The following GBP2 variants were observed in gnomAD, a reference collection of about 807,000 sequenced individuals.
The protein encoded by GBP2 is guanylate-binding protein 2.
In GBP2, 54 loss-of-function variants were observed where a neutral mutation model predicts 60.8. That is an observed-to-expected ratio of 0.89 (90% CI 0.71 to 1.11). GBP2 has a LOEUF of 1.11. GBP2 is among the 50% of genes most tolerant of loss of function. The pLI is 0.00. For missense variants in GBP2, 665 were observed against 703.3 expected (o/e 0.95, Z 0.62); for synonymous variants, 243 against 256.5 (o/e 0.95, Z 0.50).
chr1:89,110,118 T>C, intron 9 of GBP2, 46 bp downstream of exon 9: 3 of 1,404,502 alleles, frequency 2.1e-6, no homozygotes, highest in Non-Finnish European at 3.0e-6. Context: ...CTAACTAACA[T>C]TTTGAGAGCT....
At chr1:89,112,757 A>G in intron 7 of GBP2, 73 bp from the exon 8 acceptor site, 1 of 1,216,626 alleles carries the variant, frequency 8.2e-7, no homozygotes. Flanking sequence ...GGAGACTGGA[A>G]AATGCTTCTC....
intron 1 of GBP2, among the ~76,000 whole-genome samples, chr1:89,122,577 T>C (rs753515703): frequency 6.6e-6 from 1 of 152,246 alleles, no homozygotes; most frequent in Non-Finnish European, 1.5e-5. Flanking sequence ...CAAAGTGATG[T>C]TCTGCCATTT....
At chr1:89,116,849 T>G in intron 6 of GBP2, 143 bp downstream of exon 6, 1 of 766,448 alleles carries the variant, frequency 1.3e-6, no homozygotes. Flanking sequence ...GTAAAATTTA[T>G]AATATGATTT....
chr1:89,123,764 T>A (rs1681458706), intron 1 of GBP2, among the ~76,000 whole-genome samples: 1 of 152,238 alleles, frequency 6.6e-6, no homozygotes, highest in Non-Finnish European at 1.5e-5. Flanking sequence ...TATTTTTGAG[T>A]ATGCGAAATA....
rs1375151830 is a variant in GBP2 at position 89,109,668 on chromosome 1, A to G, written c.1659+9T>C. ...TGGAAGAGAAAATTGAGATGATGCA[A>G]TTGAATACCTGAAGTTTAAGAGCGA... is the stretch of plus-strand genomic sequence containing the variant. On this transcript the variant is annotated intron_variant, in intron 10 of 10. Coordinates refer to ENST00000370466, the MANE Select transcript of GBP2 (RefSeq NM_004120.5). The G allele has an allele frequency of 2.5e-6, 4 of 1,611,650 alleles. No homozygotes were observed. The South Asian group carries it at 4.4e-5, about 18-fold the overall frequency.
chr1:89,112,454 A>C lies in GBP2; in HGVS notation c.1362+18T>G. ...CCCTCAGCGAGTCCCAAGAAATGGT[A>C]CCCACCGTGTAGTTTACCTGTATCC... On this transcript the variant is annotated intron_variant, in intron 8 of 10. Coordinates refer to ENST00000370466, the MANE Select transcript of GBP2 (RefSeq NM_004120.5). The C allele has an allele frequency of 3.8e-4, 616 of 1,604,178 alleles. No homozygotes were observed. The highest frequency in any genetic ancestry group is 4.8e-4 in the Non-Finnish European group (566 of 1,171,132).
At chr1:89,109,599 G>T in intron 10 of GBP2, 78 bp downstream of exon 10, 2 of 1,310,812 alleles carry the variant, frequency 1.5e-6, no homozygotes, top group Non-Finnish European at 1.1e-6. Context: ...TTTTTGGGAG[G>T]CATTAGGTTC....
At chr1:89,109,038 G>A (rs1028049464) in intron 10 of GBP2, among the ~76,000 whole-genome samples, 1 of 152,058 alleles carries the variant, frequency 6.6e-6, no homozygotes, top group African/African-American at 2.4e-5. Context: ...TGGGATTACA[G>A]GCATGCGTCA....
chr1:89,112,462 T>C lies in GBP2; in HGVS notation c.1362+10A>G, dbSNP rs1288995950. 5 of 1,611,960 alleles carry C rather than the reference T, an allele frequency of 3.1e-6. No homozygotes were observed. Among genetic ancestry groups the C allele is most frequent in the Non-Finnish European group, 4.2e-6 (5 of 1,178,092 alleles). On this transcript the variant is annotated intron_variant, in intron 8 of 10. Coordinates refer to ENST00000370466, the MANE Select transcript of GBP2 (RefSeq NM_004120.5). The stretch of plus-strand genomic sequence containing the variant: ...GAGTCCCAAGAAATGGTACCCACCG[T>C]GTAGTTTACCTGTATCCCCTTCCTT...
chr1:89,115,609 T>C (rs1433344714), intron 6 of GBP2, among the ~76,000 whole-genome samples: 1 of 152,090 alleles, frequency 6.6e-6, no homozygotes, highest in Non-Finnish European at 1.5e-5. Context: ...TATTTTCGTT[T>C]AAAAAATTGA....
chr1:89,110,233 T>C lies in GBP2; in HGVS notation c.1396A>G (p.Lys466Glu). The change falls in exon 9 of 11, where the codon AAG (lysine) becomes GAG (glutamate). Residue 466 changes from lysine to glutamate, a missense_variant. By Grantham distance (56) the Lys-to-Glu change is moderately conservative. Transcript: ENST00000370466. ...AGAAGTGCATCAGCCACATCCTCCT[T>C]GGACTCCAAATATTTTTTCAGCACC... ...KEVLKKYLES[K>E]EDVADALLQT... 6.2e-7 allele frequency: 1 copy of C among 1,613,894 alleles called. No individual in the cohort carries two copies. Among genetic ancestry groups the C allele is most frequent in the Non-Finnish European group, 8.5e-7 (1 of 1,179,880 alleles).
chr1:89,122,481 A>T (rs1233252385), intron 1 of GBP2, among the ~76,000 whole-genome samples: 2 of 152,092 alleles, frequency 1.3e-5, no homozygotes, highest in Non-Finnish European at 2.9e-5. Context: ...ACTGGCTATG[A>T]TTTTGTAGAA....
Position 89,117,726 on chromosome 1 carries a change from C to A in GBP2, c.476G>T (p.Gly159Val), listed in dbSNP as rs777420110. 2.5e-6 allele frequency: 4 copies of A among 1,613,854 alleles called. No individual in the cohort carries two copies. The highest frequency in any genetic ancestry group is 1.3e-5 in the African/African-American group (1 of 74,878). Residue 159 changes from glycine (G) to valine (V), a missense_variant, in exon 5 of 11, where the codon GGT (glycine) becomes GTT (valine). Transcript: ENST00000370466. ...AGCTGAGTCGTCTACAGAATTGTTA[C>A]CAGGTGAGGAGTTTGCCTTGATTCG... ...TDRIKANSSP[G>V]NNSVDDSADF...
At position 89,121,062 on chromosome 1, in the gene GBP2, A is replaced by T. The variant is rs537312551; in HGVS notation, c.318+81T>A. 7 of 1,081,370 alleles carry T rather than the reference A, an allele frequency of 6.5e-6. No individual in the cohort carries two copies. The South Asian group carries it at 9.8e-5, about 15-fold the overall frequency. 67.0% of individuals were successfully genotyped at this position (1,081,370 alleles called of 1,614,324 possible). On this transcript the variant is annotated intron_variant, in intron 3 of 10. Coordinates refer to ENST00000370466, the MANE Select transcript of GBP2 (RefSeq NM_004120.5). ...AATCAAGGAGTAGGAGTGATTGTGCAAAGATGGTTATCGATCTGACCTGGT... is the reference window on the plus strand; with the variant it reads ...AATCAAGGAGTAGGAGTGATTGTGCTAAGATGGTTATCGATCTGACCTGGT...
chr1:89,118,264 T>C (rs1013876436), intron 4 of GBP2: 8 of 153,048 alleles, frequency 5.2e-5, no homozygotes, highest in Non-Finnish European at 1.5e-5. Flanking sequence ...TCTCTGACAT[T>C]GTAGTTGAGC....
rs1367682938 is a variant in GBP2, at chr1:89,121,998, A to G, written c.-17-15T>C. The G allele has an allele frequency of 6.4e-7, 1 of 1,554,064 alleles. No individual in the cohort carries two copies. Among genetic ancestry groups the G allele is most frequent in the Non-Finnish European group, 8.7e-7 (1 of 1,147,238 alleles). On this transcript the variant is annotated splice_polypyrimidine_tract_variant and intron_variant, in intron 1 of 10. Transcript: ENST00000370466. ...GGTGTTGTTCCCTTGTGTGCAAGGA[A>G]AAAGATGAAATGGAAAGCAGTTTTT...
In GBP2 at chr1:89,106,359, T is replaced by C. The variant is rs1384270576; in HGVS notation, c.*1816A>G. Reference sequence around the variant, plus strand: ...AAACAAGATAGATCTTAAATACAAATGAACTAATATGTTAAATTGTGTTCC... The same window carrying C: ...AAACAAGATAGATCTTAAATACAAACGAACTAATATGTTAAATTGTGTTCC... On this transcript the variant is annotated 3_prime_UTR_variant, in exon 11 of 11. Coordinates refer to ENST00000370466, the MANE Select transcript of GBP2 (RefSeq NM_004120.5). 1 of 152,318 alleles carries C rather than the reference T, an allele frequency of 6.6e-6. No individual in the cohort carries two copies. Among genetic ancestry groups the C allele is most frequent in the East Asian group, 1.9e-4 (1 of 5,180 alleles). The allele number at this position is 152,318 out of a possible 1,614,324, so 9.4% of individuals were successfully genotyped here.
intron 6 of GBP2, among the ~76,000 whole-genome samples, 169 bp downstream of exon 6, chr1:89,116,823 T>C (rs1247153174): frequency 1.3e-5 from 2 of 152,164 alleles, no homozygotes. Flanking sequence ...GATGATACTA[T>C]AGCTTTAGTT....
At chr1:89,121,466 T>C (rs186023625) in intron 2 of GBP2, among the ~76,000 whole-genome samples, 196 bp from the exon 3 acceptor site, 10 of 152,350 alleles carry the variant, frequency 6.6e-5, no homozygotes, top group Non-Finnish European at 1.2e-4. Flanking sequence ...TTAAAGTTCA[T>C]TGAAAGCTTG....
Sources: allele counts gnomAD v4.1 joint callset (sites outside exome capture counted in the v4.1 genomes callset), GRCh38; gene constraint gnomAD v4.1.1; transcripts MANE v1.5; gene names NCBI Gene and HGNC (gene_info 2026-07-23, HGNC 2026-07-21).